Variants in CTNND2 observed in about 807,000 individuals in gnomAD.
CTNND2 encodes catenin delta-2.
In CTNND2, 22 loss-of-function variants were observed where a neutral mutation model predicts 144.4. The ratio of observed to expected loss-of-function variants is 0.15; its 90% CI spans 0.11 to 0.22. The LOEUF (loss-of-function observed/expected upper bound fraction) is 0.22, where lower values mean the gene tolerates loss of function less well. Ranked by LOEUF, CTNND2 falls within the 10% of genes least tolerant of loss-of-function variation. The pLI is 1.00. For missense variants in CTNND2, 1,353 were observed against 1,618.8 expected (o/e 0.84, Z 2.82); for synonymous variants, 751 against 695.6 (o/e 1.08, Z -1.25).
chr5:11,422,637 AT>A (rs34383584), intron 3 of CTNND2, among the ~76,000 whole-genome samples: 52,711 of 151,998 alleles, frequency 0.35, 13,082 homozygotes, highest in African/African-American at 0.71. Context: ...ACCAGGGAGA[AT>A]TCACATTAAA....
chr5:11,134,620 T>G (rs1280488186), intron 12 of CTNND2, among the ~76,000 whole-genome samples: 2 of 152,266 alleles, frequency 1.3e-5, no homozygotes, highest in Non-Finnish European at 2.9e-5. Context: ...TAGATAAACA[T>G]CGTTTCTTCA....
intron 2 of CTNND2, among the ~76,000 whole-genome samples, chr5:11,667,019 T>C (rs1203193034): frequency 6.6e-6 from 1 of 152,046 alleles, no homozygotes; most frequent in Non-Finnish European, 1.5e-5. Flanking sequence ...CATGCAGTGT[T>C]TGGTTTTCTG....
intron 16 of CTNND2, among the ~76,000 whole-genome samples, chr5:11,057,345 GT>G (rs1257917080): frequency 1.3e-5 from 2 of 152,220 alleles, no homozygotes; most frequent in African/African-American, 4.8e-5. Context: ...CCAGTGGGAA[GT>G]AATTGAATCA....
At chr5:11,351,013 G>C (rs1256062882) in intron 8 of CTNND2, among the ~76,000 whole-genome samples, 2 of 152,108 alleles carry the variant, frequency 1.3e-5, no homozygotes, top group African/African-American at 2.4e-5. Context: ...TAAAGATTCA[G>C]GGTCCAAGTC....
intron 9 of CTNND2, among the ~76,000 whole-genome samples, chr5:11,277,624 G>A (rs2149989958): frequency 1.3e-5 from 2 of 151,662 alleles, no homozygotes; most frequent in East Asian, 1.9e-4. Flanking sequence ...CTCAACCTCC[G>A]AGGTTCAAGA....
chr5:11,307,974 T>C (rs1345154013), intron 9 of CTNND2, among the ~76,000 whole-genome samples: 1 of 152,208 alleles, frequency 6.6e-6, no homozygotes, highest in African/African-American at 2.4e-5. Context: ...GAGTTAGCCA[T>C]TCTCTTTCCA....
At chr5:11,823,403 A>G (rs1482215637) in intron 1 of CTNND2, among the ~76,000 whole-genome samples, 1 of 152,256 alleles carries the variant, frequency 6.6e-6, no homozygotes, top group East Asian at 1.9e-4. Flanking sequence ...ATTTTCAAAG[A>G]AAATGTCTCA....
At chr5:11,374,736 T>C (rs1322083584) in intron 7 of CTNND2, among the ~76,000 whole-genome samples, 1 of 151,762 alleles carries the variant, frequency 6.6e-6, no homozygotes, top group African/African-American at 2.4e-5. Context: ...CTACGAATAT[T>C]TCCATGGAAA....
At chr5:11,451,836 G>A (rs943243216) in intron 3 of CTNND2, among the ~76,000 whole-genome samples, 1 of 152,026 alleles carries the variant, frequency 6.6e-6, no homozygotes, top group Non-Finnish European at 1.5e-5. Flanking sequence ...CAACACATGC[G>A]AATAACACAT....
chr5:11,129,065 T>TTTATATATAAATAAAATATATATA (rs1246816631), intron 12 of CTNND2, among the ~76,000 whole-genome samples: 21 of 15,628 alleles, frequency 1.3e-3, no homozygotes, highest in African/African-American at 3.4e-3. Flanking sequence ...AAATATATAT[T>TTTATATATAAATAAAATATATATA]TTATATATAA....
chr5:11,639,920 G>C (rs763582274), intron 2 of CTNND2, among the ~76,000 whole-genome samples: 1 of 152,120 alleles, frequency 6.6e-6, no homozygotes, highest in Non-Finnish European at 1.5e-5. Flanking sequence ...ATGAAAGTCT[G>C]GCTGGAATCC....
intron 1 of CTNND2, among the ~76,000 whole-genome samples, chr5:11,762,085 A>C (rs1406891149): frequency 6.6e-6 from 1 of 152,182 alleles, no homozygotes; most frequent in Non-Finnish European, 1.5e-5. Context: ...TTTAAATACA[A>C]AAATATGCTT....
intron 2 of CTNND2, among the ~76,000 whole-genome samples, chr5:11,640,422 A>G (rs1441525838): frequency 6.6e-6 from 1 of 152,210 alleles, no homozygotes; most frequent in Non-Finnish European, 1.5e-5. Flanking sequence ...AGAATTCCCT[A>G]AGGTTGCCAC....
intron 3 of CTNND2, among the ~76,000 whole-genome samples, chr5:11,461,011 T>C (rs569952952): frequency 2.4e-4 from 37 of 151,980 alleles, no homozygotes; most frequent in African/African-American, 7.5e-4. Flanking sequence ...ATCATGCCAC[T>C]GCATTCTGGC....
rs370330937 is a variant in CTNND2 at position 11,676,566 on chromosome 5, C to T, written c.174+55570G>A. ...TAGCATACTAAACTGTCCAAATAGT[C>T]CTTGAATGCTGACAAACGGTTCGTA... is the stretch of plus-strand genomic sequence containing the variant. On this transcript the variant is annotated intron_variant, in intron 2 of 21. Transcript: ENST00000304623. Among the ~76,000 whole-genome samples, 26 of 151,120 alleles carry T rather than the reference C, an allele frequency of 1.7e-4. No individual in the cohort carries two copies. In the South Asian group the frequency reaches 2.3e-3, roughly 13 times the overall value.
intron 3 of CTNND2, among the ~76,000 whole-genome samples, chr5:11,473,627 T>A (rs978687982): frequency 3.3e-5 from 5 of 152,134 alleles, no homozygotes; most frequent in Non-Finnish European, 5.9e-5. Context: ...CCAGAAAAGA[T>A]GTTCATATCA....
chr5:11,029,488 A>C (rs548634741), intron 16 of CTNND2, among the ~76,000 whole-genome samples: 1 of 152,366 alleles, frequency 6.6e-6, no homozygotes, highest in African/African-American at 2.4e-5. Context: ...GATTACATTT[A>C]ACATTATACC....
chr5:11,113,335 C>T (rs1046409225), intron 13 of CTNND2, among the ~76,000 whole-genome samples: 1 of 152,128 alleles, frequency 6.6e-6, no homozygotes, highest in South Asian at 2.1e-4. Flanking sequence ...CCGATCCAGC[C>T]CACAGCCGGT....
rs531224383 is a variant in CTNND2, at chr5:10,998,887, C to T, written c.3085-6210G>A. Among the ~76,000 whole-genome samples the T allele has an allele frequency of 5.3e-5, 8 of 152,192 alleles. No individual in the cohort carries two copies. The South Asian group carries it at 8.3e-4, about 16-fold the overall frequency. ...TACTGCACCATTTTATTAATACAGC[C>T]GGGACTTGAGCATCTACAAATTCTG... On this transcript the variant is annotated intron_variant, in intron 18 of 21. Transcript: ENST00000304623.
Sources: allele counts gnomAD v4.1 joint callset (sites outside exome capture counted in the v4.1 genomes callset), GRCh38; gene constraint gnomAD v4.1.1; transcripts MANE v1.5; gene names NCBI Gene and HGNC (gene_info 2026-07-23, HGNC 2026-07-21).